The following SYNE2 variants were observed in gnomAD, a reference collection of about 807,000 sequenced individuals.
SYNE2 encodes spectrin repeat containing nuclear envelope protein 2, also known as nesprin-2.
SYNE2 carries 431 observed loss-of-function variants against 856.3 expected under a neutral mutation model. The ratio of observed to expected loss-of-function variants is 0.50; its 90% confidence interval spans 0.47 to 0.55. SYNE2 has a LOEUF of 0.55. Ranked by LOEUF, SYNE2 falls within the 20% of genes least tolerant of loss-of-function variation. SYNE2 has a pLI of 0.00. For missense variants in SYNE2, 8,129 were observed against 8,023.2 expected (o/e 1.01, Z -0.50); for synonymous variants, 2,923 against 2,872.3 (o/e 1.02, Z -0.56).
At chr14:63,855,566 G>A (rs527518961) in intron 1 of SYNE2, among the ~76,000 whole-genome samples, 6 of 152,090 alleles carry the variant, frequency 3.9e-5, no homozygotes, top group South Asian at 2.1e-4. Context: ...TATCTCTAAT[G>A]GCTCTTGTTG....
At chr14:63,995,656 T>C (rs1208093857) in intron 23 of SYNE2, among the ~76,000 whole-genome samples, 1 of 152,190 alleles carries the variant, frequency 6.6e-6, no homozygotes, top group African/African-American at 2.4e-5. Context: ...CCTTTTTTCA[T>C]TTCTTTTTAA....
intron 85 of SYNE2, among the ~76,000 whole-genome samples, chr14:64,154,990 A>G (rs1358007071): frequency 6.6e-6 from 1 of 152,184 alleles, no homozygotes; most frequent in Non-Finnish European, 1.5e-5. Flanking sequence ...AACAAGTGTT[A>G]ATGTGGATGT....
Position 64,016,457 on chromosome 14 carries a change from C to G in SYNE2, c.4729-16C>G. On this transcript the variant is annotated splice_polypyrimidine_tract_variant and intron_variant, in intron 32 of 115. Coordinates refer to ENST00000555002, the MANE Select transcript of SYNE2 (RefSeq NM_182914.3). ...ATATCAAAATATCAGAAATAACTTT[C>G]ATATCTTTTTTACAGATTGAAATTG... 3.3e-6 allele frequency: 5 copies of G among 1,515,538 alleles called. No homozygotes were observed. The highest frequency in any genetic ancestry group is 4.5e-6 in the Non-Finnish European group (5 of 1,106,694). The allele number at this position is 1,515,538 out of a possible 1,614,324, so 93.9% of individuals were successfully genotyped here. A position where few individuals can be genotyped will look rare whatever the true frequency, so the allele number is the denominator to read the frequency against.
intron 111 of SYNE2, 22 bp from the exon 112 acceptor site, chr14:64,221,554 C>G: frequency 6.2e-7 from 1 of 1,614,170 alleles, no homozygotes; most frequent in Non-Finnish European, 8.5e-7. Flanking sequence ...CACGGCCGCG[C>G]TCTGATGTGT....
intron 32 of SYNE2, among the ~76,000 whole-genome samples, chr14:64,015,211 A>T (rs1174330216): frequency 6.6e-6 from 1 of 151,452 alleles, no homozygotes; most frequent in African/African-American, 2.4e-5. Flanking sequence ...CTTTCATAAA[A>T]TTAATTGGGA....
At chr14:63,814,141 G>C (rs1392119880) in intron 1 of SYNE2, among the ~76,000 whole-genome samples, 1 of 150,656 alleles carries the variant, frequency 6.6e-6, no homozygotes, top group Admixed American at 6.7e-5. Context: ...ACAGTGGCAG[G>C]CACCTGTAAT....
chr14:64,147,907 C>T (rs944010654), intron 84 of SYNE2, among the ~76,000 whole-genome samples: 4 of 152,182 alleles, frequency 2.6e-5, no homozygotes, highest in East Asian at 1.9e-4. Flanking sequence ...TTCTTATAGC[C>T]GTTCAAGTAG....
At chr14:63,999,593 A>T (rs933861950) in intron 27 of SYNE2, among the ~76,000 whole-genome samples, 1 of 152,248 alleles carries the variant, frequency 6.6e-6, no homozygotes, top group Admixed American at 6.5e-5. Flanking sequence ...AAGTTATTGC[A>T]GTTGACTCAG....
intron 1 of SYNE2, among the ~76,000 whole-genome samples, chr14:63,844,709 T>C (rs564249135): frequency 6.6e-6 from 1 of 152,282 alleles, no homozygotes; most frequent in Non-Finnish European, 1.5e-5. Flanking sequence ...CTTCATAAAA[T>C]GTCACTGGCT....
rs773834488 is a variant in SYNE2 at position 64,122,310 on chromosome 14, T to C, written c.13305T>C (p.Asn4435=). ...SASNQASSPE[N]DVPDSILSPQ... The stretch of plus-strand genomic sequence containing the variant: ...GCAACCAGGCATCCAGCCCTGAAAA[T>C]GACGTTCCAGACTCGATCTTGTCAC... The change falls in exon 70 of 116, where the codon AAT becomes AAC. Residue 4435 remains asparagine (N), a synonymous_variant. Coordinates refer to ENST00000555002, the MANE Select transcript of SYNE2 (RefSeq NM_182914.3). 7 of 1,614,060 alleles carry C rather than the reference T, an allele frequency of 4.3e-6. No homozygotes were observed. Among genetic ancestry groups the C allele is most frequent in the Non-Finnish European group, 5.9e-6 (7 of 1,180,026 alleles).
At chr14:63,937,637 G>A (rs532040966) in intron 2 of SYNE2, among the ~76,000 whole-genome samples, 1 of 152,296 alleles carries the variant, frequency 6.6e-6, no homozygotes, top group South Asian at 2.1e-4. Flanking sequence ...TCTGGGGACA[G>A]GGAGAGGGCC....
Position 64,052,847 on chromosome 14 carries a change from AGAG to A in SYNE2, c.8938_8940del (p.Glu2980del). ...ATCAAGAAGTAAATAAAGGTGTTAAAGAGGAGATCTATAATCTTAAAGACAGAC... is the reference window on the plus strand; with the variant it reads ...ATCAAGAAGTAAATAAAGGTGTTAAAGAGATCTATAATCTTAAAGACAGAC... On this transcript the variant is annotated inframe_deletion, in exon 48 of 116. Transcript: ENST00000555002. The A allele has an allele frequency of 1.2e-6, 2 of 1,613,796 alleles. No individual in the cohort carries two copies. Among genetic ancestry groups the A allele is most frequent in the African/African-American group, 1.3e-5 (1 of 75,060 alleles).
chr14:64,098,445 C>T (rs946483940), intron 62 of SYNE2: 4 of 584,160 alleles, frequency 6.8e-6, no homozygotes, highest in African/African-American at 5.6e-5. Flanking sequence ...AAAGTCAGCC[C>T]TTTGCAGACT....
chr14:63,836,561 C>T (rs1297481376), intron 1 of SYNE2, among the ~76,000 whole-genome samples: 1 of 152,078 alleles, frequency 6.6e-6, no homozygotes, highest in Non-Finnish European at 1.5e-5. Context: ...ACCTATAGCA[C>T]CTACTTGATT....
intron 1 of SYNE2, among the ~76,000 whole-genome samples, chr14:63,908,385 G>T (rs557943422): frequency 1.3e-5 from 2 of 151,984 alleles, no homozygotes; most frequent in Non-Finnish European, 2.9e-5. Context: ...GGGAGAAGTC[G>T]GTGTTTTATA....
At chr14:64,101,456 T>A (rs1227235984) in intron 63 of SYNE2, among the ~76,000 whole-genome samples, 1 of 152,212 alleles carries the variant, frequency 6.6e-6, no homozygotes, top group Non-Finnish European at 1.5e-5. Flanking sequence ...TACGTATTTT[T>A]AAATATTTAT....
At chr14:63,839,212 G>A (rs1425401125) in intron 1 of SYNE2, among the ~76,000 whole-genome samples, 1 of 151,884 alleles carries the variant, frequency 6.6e-6, no homozygotes, top group African/African-American at 2.4e-5. Flanking sequence ...TGTATTTTTG[G>A]TAGAGATGGG....
upstream of SYNE2, among the ~76,000 whole-genome samples, chr14:63,848,046 C>G (rs772491798): frequency 3.3e-5 from 5 of 152,154 alleles, no homozygotes; most frequent in African/African-American, 4.8e-5. Context: ...ACCACCATGC[C>G]TGGCTAATTT....
intron 1 of SYNE2, among the ~76,000 whole-genome samples, chr14:63,821,687 A>T (rs1324674136): frequency 6.6e-6 from 1 of 152,010 alleles, no homozygotes; most frequent in East Asian, 1.9e-4. Context: ...TGGGAGGCAG[A>T]GGTTGCAGTG....
Sources: allele counts gnomAD v4.1 joint callset (sites outside exome capture counted in the v4.1 genomes callset), GRCh38; gene constraint gnomAD v4.1.1; transcripts MANE v1.5; gene names NCBI Gene and HGNC (gene_info 2026-07-23, HGNC 2026-07-21).